The following DGKI variants were observed in gnomAD, a reference collection of about 807,000 sequenced individuals.
The protein encoded by DGKI is diacylglycerol kinase iota.
In DGKI, 55 loss-of-function variants were observed where a neutral mutation model predicts 147.5. That is an observed-to-expected ratio of 0.37 (90% CI 0.30 to 0.47). The LOEUF is 0.47. Ranked by LOEUF, DGKI falls within the 20% of genes least tolerant of loss-of-function variation. The pLI is 1.00. For missense variants in DGKI, 1,007 were observed against 1,323.8 expected (o/e 0.76, Z 3.71); for synonymous variants, 469 against 477.1 (o/e 0.98, Z 0.22).
At chr7:137,669,124 T>A (rs1822751137) in intron 3 of DGKI, among the ~76,000 whole-genome samples, 1 of 152,224 alleles carries the variant, frequency 6.6e-6, no homozygotes. Context: ...AACCAGGTCA[T>A]CTGATTCCAA....
chr7:137,807,127 C>T (rs988805449), intron 1 of DGKI, among the ~76,000 whole-genome samples: 4 of 152,120 alleles, frequency 2.6e-5, no homozygotes, highest in South Asian at 2.1e-4. Context: ...TTTATTTTTG[C>T]GTCACAAGTC....
intron 1 of DGKI, among the ~76,000 whole-genome samples, chr7:137,752,864 C>T (rs945902934): frequency 4.6e-5 from 7 of 152,074 alleles, no homozygotes; most frequent in Admixed American, 2.0e-4. Flanking sequence ...GTTTTGTCTG[C>T]GGCTTGTCCT....
intron 23 of DGKI, among the ~76,000 whole-genome samples, chr7:137,474,138 A>G (rs1403254819): frequency 6.6e-6 from 1 of 152,208 alleles, no homozygotes; most frequent in East Asian, 1.9e-4. Flanking sequence ...TTGAATTCCA[A>G]TGAAAAACTG....
At chr7:137,555,783 T>A (rs935907831) in intron 19 of DGKI, among the ~76,000 whole-genome samples, 1 of 152,072 alleles carries the variant, frequency 6.6e-6, no homozygotes, top group African/African-American at 2.4e-5. Flanking sequence ...CCCAAAAATG[T>A]CAAAGAGGCT....
At chr7:137,656,311 T>C (rs1822218928) in intron 4 of DGKI, among the ~76,000 whole-genome samples, 155 bp downstream of exon 4, 2 of 152,208 alleles carry the variant, frequency 1.3e-5, no homozygotes, top group South Asian at 2.1e-4. Flanking sequence ...CCCTTAAACA[T>C]TGTCTTTCCA....
Position 137,384,457 on chromosome 7 carries a change from A to C in DGKI, c.*6763T>G, listed in dbSNP as rs956290019. 3 of 151,986 alleles carry C rather than the reference A, an allele frequency of 2.0e-5. No homozygotes were observed. Among genetic ancestry groups the C allele is most frequent in the African/African-American group, 7.2e-5 (3 of 41,392 alleles). 9.4% of individuals were successfully genotyped at this position (151,986 alleles called of 1,614,324 possible). On this transcript the variant is annotated 3_prime_UTR_variant, in exon 33 of 33. Transcript: ENST00000614521. Reference sequence around the variant, plus strand: ...TGGAAATCTGAACAATTGATATAAAACATCCTTGAAGGCAATGATGGAAAA... The same window carrying C: ...TGGAAATCTGAACAATTGATATAAACCATCCTTGAAGGCAATGATGGAAAA...
chr7:137,735,409 G>A (rs1378090409), intron 1 of DGKI, among the ~76,000 whole-genome samples: 1 of 151,976 alleles, frequency 6.6e-6, no homozygotes, highest in Non-Finnish European at 1.5e-5. Flanking sequence ...TATCCCCCAA[G>A]AGTCAAATCA....
chr7:137,506,123 T>G (rs925472674), intron 21 of DGKI, among the ~76,000 whole-genome samples: 1 of 152,200 alleles, frequency 6.6e-6, no homozygotes, highest in Non-Finnish European at 1.5e-5. Flanking sequence ...CCAATGGAGT[T>G]GAAAATTATG....
chr7:137,426,466 C>A (rs112662374), intron 28 of DGKI, among the ~76,000 whole-genome samples: 1 of 152,240 alleles, frequency 6.6e-6, no homozygotes, highest in African/African-American at 2.4e-5. Context: ...TAAAGACCAT[C>A]GAGGCTAGGA....
At chr7:137,396,184 A>G (rs1215888665) in intron 31 of DGKI, among the ~76,000 whole-genome samples, 2 of 152,230 alleles carry the variant, frequency 1.3e-5, no homozygotes, top group Non-Finnish European at 2.9e-5. Flanking sequence ...TGAGAACCCA[A>G]GTTCAAAGAA....
At chr7:137,837,855 T>C (rs984569944) in intron 1 of DGKI, among the ~76,000 whole-genome samples, 2 of 152,100 alleles carry the variant, frequency 1.3e-5, no homozygotes, top group Non-Finnish European at 2.9e-5. Context: ...AGCCCCGAGG[T>C]TGTGCGCTGT....
intron 20 of DGKI, among the ~76,000 whole-genome samples, chr7:137,532,490 T>A (rs554730052): frequency 3.9e-5 from 6 of 152,264 alleles, no homozygotes; most frequent in Admixed American, 3.9e-4. Flanking sequence ...GTAATTAATA[T>A]TTTACCTGGA....
chr7:137,674,681 C>T (rs535371927), intron 3 of DGKI, among the ~76,000 whole-genome samples: 5 of 152,316 alleles, frequency 3.3e-5, no homozygotes, highest in South Asian at 4.2e-4. Context: ...ATTGCCACCT[C>T]GTTTGTACAG....
At chr7:137,632,208 T>C (rs2129002151) in intron 6 of DGKI, among the ~76,000 whole-genome samples, 2 of 152,278 alleles carry the variant, frequency 1.3e-5, no homozygotes, top group South Asian at 4.1e-4. Flanking sequence ...CCTCAATTAA[T>C]AGAATCAGAA....
At chr7:137,628,876 C>G (rs1352974638) in intron 6 of DGKI, among the ~76,000 whole-genome samples, 1 of 152,110 alleles carries the variant, frequency 6.6e-6, no homozygotes. Flanking sequence ...GTTTTACAGC[C>G]TTGGCTGAAA....
intron 20 of DGKI, among the ~76,000 whole-genome samples, chr7:137,535,879 A>G (rs1321626912): frequency 6.6e-6 from 1 of 152,130 alleles, no homozygotes; most frequent in Non-Finnish European, 1.5e-5. Flanking sequence ...ATTTCCTGAT[A>G]AGCCTGTTTC....
chr7:137,690,701 A>T (rs1159926675), intron 1 of DGKI, among the ~76,000 whole-genome samples: 4 of 152,224 alleles, frequency 2.6e-5, no homozygotes, highest in Non-Finnish European at 5.9e-5. Context: ...GAGGGTATGA[A>T]TTGGGAGAGG....
chr7:137,386,804 A>G lies in DGKI; in HGVS notation c.*4416T>C, dbSNP rs1301653087. On this transcript the variant is annotated 3_prime_UTR_variant, in exon 33 of 33. Transcript: ENST00000614521. ...AGAGTGAAAGGAGTTGAGAGATTCA[A>G]AGGTGGTTCAATTAAGATGCAGGCA... 2.6e-5 allele frequency: 4 copies of G among 152,132 alleles called. No homozygotes were observed. The highest frequency in any genetic ancestry group is 5.9e-5 in the Non-Finnish European group (4 of 68,012). The allele number at this position is 152,132 out of a possible 1,614,324, so 9.4% of individuals were successfully genotyped here. A position where few individuals can be genotyped will look rare whatever the true frequency, so the allele number is the denominator to read the frequency against.
chr7:137,474,607 C>T (rs567630048), intron 23 of DGKI, among the ~76,000 whole-genome samples: 4 of 152,162 alleles, frequency 2.6e-5, no homozygotes, highest in South Asian at 4.1e-4. Flanking sequence ...AAGTCTGCTT[C>T]GCAAAACTGA....
Sources: allele counts gnomAD v4.1 joint callset (sites outside exome capture counted in the v4.1 genomes callset), GRCh38; gene constraint gnomAD v4.1.1; transcripts MANE v1.5; gene names NCBI Gene and HGNC (gene_info 2026-07-23, HGNC 2026-07-21).